Variants in ESRRG observed in about 807,000 individuals in gnomAD.
ESRRG encodes estrogen-related receptor gamma.
In ESRRG, 13 loss-of-function variants were observed where a neutral mutation model predicts 44.0. That is an observed-to-expected ratio of 0.30 (90% CI 0.19 to 0.47). The LOEUF is 0.47. Ranked by LOEUF, ESRRG falls within the 20% of genes least tolerant of loss-of-function variation. The probability of loss-of-function intolerance (pLI) is 1.00; values close to 1 mark genes in which losing one functional copy is unlikely to be tolerated. For missense variants in ESRRG, 395 were observed against 580.6 expected (o/e 0.68, Z 3.29); for synonymous variants, 215 against 214.6 (o/e 1.00, Z -0.02).
At chr1:216,817,237 G>A (rs1203291829) in intron 2 of ESRRG, among the ~76,000 whole-genome samples, 3 of 152,126 alleles carry the variant, frequency 2.0e-5, no homozygotes, top group Non-Finnish European at 4.4e-5. Flanking sequence ...GCTACCAGAT[G>A]CAAATGAACT....
At chr1:217,066,257 T>TTC (rs2089653147) in intron 1 of ESRRG, among the ~76,000 whole-genome samples, 1 of 81,346 alleles carries the variant, frequency 1.2e-5, no homozygotes, top group African/African-American at 4.2e-5. Context: ...TTTCTTTTCT[T>TTC]TTTTTTTTTT....
chr1:216,924,990 T>C (rs2062342840), intron 2 of ESRRG, among the ~76,000 whole-genome samples: 1 of 152,172 alleles, frequency 6.6e-6, no homozygotes, highest in African/African-American at 2.4e-5. Context: ...TATCATCTGC[T>C]ACTATTTACC....
chr1:216,918,072 T>C (rs1360023170), intron 2 of ESRRG, among the ~76,000 whole-genome samples: 2 of 152,222 alleles, frequency 1.3e-5, no homozygotes, highest in Admixed American at 6.5e-5. Flanking sequence ...TCTTTATTTA[T>C]GAGCCCTTTA....
rs531486396 is a variant in ESRRG at position 216,683,559 on chromosome 1, T to C, written c.57-6068A>G. On this transcript the variant is annotated intron_variant, in intron 1 of 6. Transcript: ENST00000408911. ...GAGTTGCTGACAAGAGATAGAGCTA[T>C]GTAATGTGGGGACATAGAGCCAGCC... Among the ~76,000 whole-genome samples the C allele has an allele frequency of 5.9e-5, 9 of 152,302 alleles. No homozygotes were observed. In the South Asian group the frequency reaches 1.2e-3, roughly 21 times the overall value.
rs536482203 is a variant in ESRRG at position 216,829,743 on chromosome 1, G to A, written c.-14+109839C>T. Among the ~76,000 whole-genome samples, 26 of 152,014 alleles carry A rather than the reference G, an allele frequency of 1.7e-4. No individual in the cohort carries two copies. In the South Asian group the frequency reaches 3.3e-3, roughly 20 times the overall value. ...TAATTTTTGTATCTTCAGTAGAGAT[G>A]GGGTTTCACCATGTTGGCCAGGCTG... On this transcript the variant is annotated intron_variant, in intron 2 of 7. Transcript: ENST00000359162.
chr1:217,047,758 T>C (rs758108139), intron 1 of ESRRG, among the ~76,000 whole-genome samples: 1 of 152,108 alleles, frequency 6.6e-6, no homozygotes, highest in Non-Finnish European at 1.5e-5. Flanking sequence ...TTGATCTCTG[T>C]AGCTAGACAG....
chr1:216,897,809 A>T (rs1446516156), intron 2 of ESRRG, among the ~76,000 whole-genome samples: 1 of 151,978 alleles, frequency 6.6e-6, no homozygotes, highest in East Asian at 1.9e-4. Context: ...TTTAAAAAAA[A>T]AAAGTGAGCT....
At chr1:217,125,962 G>C (rs1440720156) in intron 1 of ESRRG, among the ~76,000 whole-genome samples, 1 of 152,176 alleles carries the variant, frequency 6.6e-6, no homozygotes, top group African/African-American at 2.4e-5. Flanking sequence ...TATTTCTAGA[G>C]CAGGGCCCAG....
chr1:216,533,741 T>A (rs2050090915), intron 5 of ESRRG, among the ~76,000 whole-genome samples: 1 of 152,122 alleles, frequency 6.6e-6, no homozygotes, highest in Admixed American at 6.6e-5. Context: ...AATTGGAAAG[T>A]ATTTCCTAAG....
chr1:216,993,569 C>T (rs1033601167), intron 1 of ESRRG, among the ~76,000 whole-genome samples: 3 of 152,130 alleles, frequency 2.0e-5, no homozygotes, highest in African/African-American at 4.8e-5. Context: ...AGGCAGAGAC[C>T]GGAATCAGAT....
At chr1:217,049,682 C>T (rs776985672) in intron 1 of ESRRG, among the ~76,000 whole-genome samples, 6 of 152,140 alleles carry the variant, frequency 3.9e-5, no homozygotes, top group East Asian at 1.9e-4. Flanking sequence ...TGGGCAAGGT[C>T]CTCCACCCAA....
intron 2 of ESRRG, among the ~76,000 whole-genome samples, chr1:216,777,101 C>G (rs977494693): frequency 5.9e-5 from 9 of 152,150 alleles, no homozygotes; most frequent in African/African-American, 1.9e-4. Flanking sequence ...GGGCATAATT[C>G]ACAGATGGGG....
At chr1:216,827,683 G>C (rs923652361) in intron 2 of ESRRG, among the ~76,000 whole-genome samples, 1 of 152,112 alleles carries the variant, frequency 6.6e-6, no homozygotes, top group South Asian at 2.1e-4. Flanking sequence ...ATGTACAAAT[G>C]AAAGAAAGGG....
At chr1:216,675,324 C>A (rs1233569513) in intron 2 of ESRRG, among the ~76,000 whole-genome samples, 1 of 151,824 alleles carries the variant, frequency 6.6e-6, no homozygotes, top group Non-Finnish European at 1.5e-5. Context: ...CATGCCATTG[C>A]CCTCTAGCCT....
At chr1:216,854,475 T>C (rs1462560415) in intron 2 of ESRRG, among the ~76,000 whole-genome samples, 1 of 151,850 alleles carries the variant, frequency 6.6e-6, no homozygotes, top group Non-Finnish European at 1.5e-5. Flanking sequence ...TTTACACGCC[T>C]TGAAGCATCT....
intron 5 of ESRRG, among the ~76,000 whole-genome samples, chr1:216,531,464 C>A (rs2049356340): frequency 6.6e-6 from 1 of 152,050 alleles, no homozygotes; most frequent in South Asian, 2.1e-4. Flanking sequence ...GGGAGGCGAC[C>A]AGTTATCTTC....
chr1:216,633,937 C>A lies in ESRRG; in HGVS notation c.589+17036G>T, dbSNP rs181934436. 7.9e-5 allele frequency among the ~76,000 whole-genome samples: 12 copies of A among 152,256 alleles called. No homozygotes were observed. In the East Asian group the frequency reaches 1.9e-3, roughly 25 times the overall value. ...TTCTCTCAATAGCTCTAAACAATAA[C>A]AATTTGGTAAAGATTATGGTATTGG... On this transcript the variant is annotated intron_variant, in intron 3 of 6. Coordinates refer to ENST00000408911, the MANE Select transcript of ESRRG (RefSeq NM_001438.4).
chr1:216,838,411 GA>G (rs969053244), intron 2 of ESRRG, among the ~76,000 whole-genome samples: 1 of 152,100 alleles, frequency 6.6e-6, no homozygotes, highest in African/African-American at 2.4e-5. Context: ...CCCTGGTTTT[GA>G]TAATGCCTTT....
intron 1 of ESRRG, among the ~76,000 whole-genome samples, chr1:216,713,878 T>C (rs569943754): frequency 6.6e-6 from 1 of 152,326 alleles, no homozygotes; most frequent in South Asian, 2.1e-4. Context: ...TCTTTTCTTA[T>C]TCAAAGCCTA....
Sources: gnomAD v4.1 joint callset for allele counts (sites outside exome capture counted in the v4.1 genomes callset) on GRCh38, gnomAD v4.1.1 for gene constraint, MANE v1.5 for transcripts, NCBI Gene and HGNC (gene_info 2026-07-23, HGNC 2026-07-21) for gene names.